The following TMEM117 variants were observed in gnomAD, a reference collection of about 807,000 sequenced individuals.
TMEM117 encodes transmembrane protein 117.
Under a neutral mutation model 52.4 loss-of-function variants are expected in TMEM117, and 27 were observed. The ratio of observed to expected loss-of-function variants is 0.51; its 90% confidence interval spans 0.38 to 0.71. TMEM117 has a LOEUF of 0.71. Among genes scored for constraint, TMEM117 ranks in the 30% least tolerant of loss-of-function variants. TMEM117 has a pLI of 0.00. For synonymous variants in TMEM117, 215 were observed against 206.3 expected (o/e 1.04, Z -0.36); for missense variants, 556 against 630.5 (o/e 0.88, Z 1.26).
intron 3 of TMEM117, among the ~76,000 whole-genome samples, chr12:44,099,273 AT>A (rs1947823753): frequency 6.6e-6 from 1 of 152,156 alleles, no homozygotes; most frequent in East Asian, 1.9e-4. Flanking sequence ...TTTTTAAAAA[AT>A]AATTATTCCA....
chr12:44,175,309 A>G (rs547445743), intron 4 of TMEM117, among the ~76,000 whole-genome samples: 3 of 152,224 alleles, frequency 2.0e-5, no homozygotes, highest in African/African-American at 7.2e-5. Context: ...TCGTGATACT[A>G]GTGGTGGGAG....
At chr12:44,072,531 C>T (rs905976903) in intron 3 of TMEM117, among the ~76,000 whole-genome samples, 2 of 152,238 alleles carry the variant, frequency 1.3e-5, no homozygotes, top group Non-Finnish European at 2.9e-5. Flanking sequence ...TGAGGTCAAG[C>T]GTTTAGGTCT....
chr12:44,161,297 T>C (rs1459280593), intron 4 of TMEM117, among the ~76,000 whole-genome samples: 1 of 152,188 alleles, frequency 6.6e-6, no homozygotes, highest in Non-Finnish European at 1.5e-5. Flanking sequence ...ATGGAAAGAA[T>C]GTTGAATTTG....
At chr12:43,804,539 G>A in the TMEM117 span, 1 of 1,602,602 alleles carries the variant, frequency 6.2e-7, no homozygotes, top group East Asian at 2.2e-5. Flanking sequence ...TCCATTTCTG[G>A]CTCTGGCAAA....
At chr12:44,164,076 C>A (rs1948932270) in intron 4 of TMEM117, among the ~76,000 whole-genome samples, 1 of 152,058 alleles carries the variant, frequency 6.6e-6, no homozygotes, top group African/African-American at 2.4e-5. Flanking sequence ...CTTTCTCCAT[C>A]CCCAGTGGTC....
intron 3 of TMEM117, among the ~76,000 whole-genome samples, chr12:44,102,184 A>G (rs774508652): frequency 1.3e-5 from 2 of 152,050 alleles, no homozygotes; most frequent in African/African-American, 2.4e-5. Context: ...ACAGACTTAG[A>G]CCATCCTCCA....
At chr12:44,220,142 A>C (rs1426306952) in intron 5 of TMEM117, among the ~76,000 whole-genome samples, 1 of 152,166 alleles carries the variant, frequency 6.6e-6, no homozygotes, top group Non-Finnish European at 1.5e-5. Context: ...TTGACTGGGA[A>C]TTTTAAGAAT....
At chr12:44,226,691 T>C (rs1949866229) in intron 5 of TMEM117, among the ~76,000 whole-genome samples, 1 of 152,048 alleles carries the variant, frequency 6.6e-6, no homozygotes, top group Non-Finnish European at 1.5e-5. Context: ...ATGACTGGTG[T>C]CCGTATAAGA....
intron 3 of TMEM117, among the ~76,000 whole-genome samples, chr12:44,055,775 A>G (rs1288921413): frequency 6.6e-6 from 1 of 152,214 alleles, no homozygotes; most frequent in Non-Finnish European, 1.5e-5. Flanking sequence ...AGTCTCTTTA[A>G]GTAAAAATTT....
chr12:43,968,599 A>G (rs1026797263), intron 3 of TMEM117, among the ~76,000 whole-genome samples: 31 of 152,202 alleles, frequency 2.0e-4, no homozygotes, highest in Non-Finnish European at 4.1e-4. Context: ...TATTTGTTCC[A>G]AAAAGGTAAA....
chr12:44,386,255 T>C (rs773465443), intron 7 of TMEM117, among the ~76,000 whole-genome samples: 2 of 152,164 alleles, frequency 1.3e-5, no homozygotes, highest in Non-Finnish European at 2.9e-5. Flanking sequence ...ACCAGTGTGT[T>C]CTACACGGAG....
intron 2 of TMEM117, among the ~76,000 whole-genome samples, chr12:43,873,634 C>T (rs575078792): frequency 1.3e-5 from 2 of 151,860 alleles, no homozygotes; most frequent in South Asian, 4.2e-4. Context: ...CACTTTTGTT[C>T]TAATCTTAAA....
intron 2 of TMEM117, among the ~76,000 whole-genome samples, chr12:43,918,798 T>C (rs1169828175): frequency 6.6e-6 from 1 of 152,204 alleles, no homozygotes; most frequent in East Asian, 1.9e-4. Flanking sequence ...TCACCATGCC[T>C]CTGAAAATAC....
chr12:43,910,338 C>T (rs1356277660), intron 2 of TMEM117, among the ~76,000 whole-genome samples: 15 of 141,078 alleles, frequency 1.1e-4, no homozygotes, highest in South Asian at 5.1e-4. Context: ...ATTGATGGGA[C>T]GTATTTCAAA....
At chr12:44,239,708 A>G (rs1321754993) in intron 5 of TMEM117, among the ~76,000 whole-genome samples, 1 of 152,110 alleles carries the variant, frequency 6.6e-6, no homozygotes, top group Non-Finnish European at 1.5e-5. Context: ...ACAGTTGTCA[A>G]TGGTACCAGT....
intron 2 of TMEM117, among the ~76,000 whole-genome samples, chr12:43,931,630 T>C (rs567924837): frequency 1.8e-4 from 27 of 152,374 alleles, no homozygotes; most frequent in Non-Finnish European, 4.0e-4. Flanking sequence ...TTTAAAGTTC[T>C]TGTATTGTCT....
At chr12:44,250,874 A>G (rs754097982) in intron 5 of TMEM117, among the ~76,000 whole-genome samples, 8 of 152,028 alleles carry the variant, frequency 5.3e-5, no homozygotes, top group Non-Finnish European at 1.0e-4. Flanking sequence ...CATTAGGACA[A>G]ATAGTTAATG....
intron 3 of TMEM117, among the ~76,000 whole-genome samples, chr12:44,082,591 A>G (rs1168855835): frequency 6.6e-6 from 1 of 152,104 alleles, no homozygotes; most frequent in Non-Finnish European, 1.5e-5. Flanking sequence ...ACTTTCTAGA[A>G]AGTAAGGGAG....
intron 3 of TMEM117, among the ~76,000 whole-genome samples, chr12:44,105,453 A>G (rs574002584): frequency 1.3e-5 from 2 of 151,982 alleles, no homozygotes; most frequent in East Asian, 1.9e-4. Flanking sequence ...CGTTCCTGCC[A>G]TATTTGACTC....
Sources: gnomAD v4.1 joint callset for allele counts (sites outside exome capture counted in the v4.1 genomes callset) on GRCh38, gnomAD v4.1.1 for gene constraint, MANE v1.5 for transcripts, NCBI Gene and HGNC (gene_info 2026-07-23, HGNC 2026-07-21) for gene names.